Variants in UGT2B17 observed in about 807,000 individuals in gnomAD.
The protein encoded by UGT2B17 is UDP-glucuronosyltransferase 2B17.
A neutral mutation model predicts 48.2 loss-of-function variants in UGT2B17; 21 were observed. The observed-to-expected ratio is 0.44, with a 90% CI of 0.31 to 0.63. UGT2B17 has a LOEUF of 0.63. Among genes scored for constraint, UGT2B17 ranks in the 20% least tolerant of loss-of-function variants. The probability of loss-of-function intolerance (pLI) is 0.08; values close to 1 mark genes in which losing one functional copy is unlikely to be tolerated. For synonymous variants in UGT2B17, 146 were observed against 238.4 expected, an observed-to-expected ratio of 0.61 and a Z score of 3.57; for missense variants, 402 against 696.1, an observed-to-expected ratio of 0.58 and a Z score of 4.75.
chr4:68,544,802 C>G (rs1730760766), intron 6 of UGT2B17, among the ~76,000 whole-genome samples: 1 of 125,578 alleles, frequency 8.0e-6, no homozygotes, highest in Non-Finnish European at 1.7e-5. Context: ...ATCCTAGTCT[C>G]TGATAAAACA....
rs11725019 is a variant in UGT2B17 at position 68,546,677 on chromosome 4, T to G, written c.1313+4000A>C. 1.6e-5 allele frequency among the ~76,000 whole-genome samples: 2 copies of G among 123,340 alleles called. 1 individual carries two copies. Among genetic ancestry groups the G allele is most frequent in the Non-Finnish European group, 3.4e-5 (2 of 58,566 alleles). The allele number at this position is 123,340 out of a possible 152,430, so 80.9% of individuals were successfully genotyped here. A position where few individuals can be genotyped will look rare whatever the true frequency, so the allele number is the denominator to read the frequency against. On this transcript the variant is annotated intron_variant, in intron 6 of 6. Coordinates refer to ENST00000317746, the MANE Select transcript of UGT2B17 (RefSeq NM_001077.4). ...GACATGATTGTATATCTAGAAAACC[T>G]GATCGTCTGAGCCCCAAATCTCCTT...
Position 68,554,696 on chromosome 4 carries a change from T to G in UGT2B17, c.1006-2785A>C, listed in dbSNP as rs1187041575. On this transcript the variant is annotated intron_variant, in intron 4 of 6. Transcript: ENST00000317746. Reference sequence around the variant, plus strand: ...TTTATTTTCCTTCTAGCACACCAATTTTTTTCTCTGTGTACATTATGATGT... The same window carrying G: ...TTTATTTTCCTTCTAGCACACCAATGTTTTTCTCTGTGTACATTATGATGT... Among the ~76,000 whole-genome samples, 3 of 125,998 alleles carry G rather than the reference T, an allele frequency of 2.4e-5. 1 individual carries two copies. The highest frequency in any genetic ancestry group is 3.4e-5 in the Non-Finnish European group (2 of 59,496). The allele number at this position is 125,998 out of a possible 152,430, so 82.7% of individuals were successfully genotyped here.
In UGT2B17 at chr4:68,566,275, G is replaced by A. The variant is rs1451795731; in HGVS notation, c.725-555C>T. Among the ~76,000 whole-genome samples the A allele has an allele frequency of 1.6e-5, 2 of 122,024 alleles. 1 individual carries two copies. The allele number at this position is 122,024 out of a possible 152,430, so 80.1% of individuals were successfully genotyped here. A position where few individuals can be genotyped will look rare whatever the true frequency, so the allele number is the denominator to read the frequency against. On this transcript the variant is annotated intron_variant, in intron 2 of 6. Transcript: ENST00000317746. ...TTGCTCATATGTATATATAAGGAAG[G>A]CAAAGTGTTCAGAGAGCTGTAAGAA...
At chr4:68,548,453 A>C in intron 6 of UGT2B17, among the ~76,000 whole-genome samples, 1 of 124,954 alleles carries the variant, frequency 8.0e-6, no homozygotes, top group Admixed American at 8.3e-5. Flanking sequence ...GAGGGATAGC[A>C]TTAGGAGATA....
rs1295585653 is a variant in UGT2B17, at chr4:68,566,053, TATTA to T, written c.725-337_725-334del. Among the ~76,000 whole-genome samples, 72 of 119,094 alleles carry T rather than the reference TATTA, an allele frequency of 6.0e-4. 16 individuals are homozygous for T. Among genetic ancestry groups the T allele is most frequent in the Non-Finnish European group, 1.1e-3 (66 of 57,858 alleles). The allele number at this position is 119,094 out of a possible 152,430, so 78.1% of individuals were successfully genotyped here. ...TTAATATTTAATATTAATAAAATTT[TATTA>T]ATTTTATTTTATTAATAAAACATTA... On this transcript the variant is annotated intron_variant, in intron 2 of 6. Transcript: ENST00000317746.
At chr4:68,568,684 TA>T (rs1731251099) in intron 1 of UGT2B17, among the ~76,000 whole-genome samples, 136 bp from the exon 2 acceptor site, 1 of 127,060 alleles carries the variant, frequency 7.9e-6, no homozygotes, top group Non-Finnish European at 1.7e-5. Context: ...CTAGAATACG[TA>T]AGTAACCTGT....
chr4:68,556,599 T>G lies in UGT2B17; in HGVS notation c.1005+3938A>C, dbSNP rs756983349. On this transcript the variant is annotated intron_variant, in intron 4 of 6. Coordinates refer to ENST00000317746, the MANE Select transcript of UGT2B17 (RefSeq NM_001077.4). ...TGCAAGACCAACATATGGGCCCCTG[T>G]GTCAGATTAACAAGGTTTTCTTGAA... is the stretch of plus-strand genomic sequence containing the variant. 4.0e-5 allele frequency among the ~76,000 whole-genome samples: 5 copies of G among 126,216 alleles called. 2 individuals are homozygous for G. Among genetic ancestry groups the G allele is most frequent in the African/African-American group, 5.4e-5 (2 of 37,090 alleles). The allele number at this position is 126,216 out of a possible 152,430, so 82.8% of individuals were successfully genotyped here.
Position 68,572,248 on chromosome 4 carries a change from A to G in UGT2B17, c.-64-3700T>C, listed in dbSNP as rs939001002. On this transcript the variant is annotated intron_variant, in intron 1 of 6. Coordinates refer to ENST00000317746, the MANE Select transcript of UGT2B17 (RefSeq NM_001077.4). ...CTATTAATAGCGGCACAAGTGTCAA[A>G]TTTTAAGGTTACATTTTGAGGAGCT... Among the ~76,000 whole-genome samples, 13 of 126,148 alleles carry G rather than the reference A, an allele frequency of 1.0e-4. 5 individuals carry two copies. The highest frequency in any genetic ancestry group is 2.2e-4 in the Non-Finnish European group (13 of 59,686). 82.8% of individuals were successfully genotyped at this position (126,148 alleles called of 152,430 possible). A position where few individuals can be genotyped will look rare whatever the true frequency, so the allele number is the denominator to read the frequency against.
Position 68,551,745 on chromosome 4 carries a change from T to A in UGT2B17, c.1093+79A>T. On this transcript the variant is annotated intron_variant, in intron 5 of 6. Transcript: ENST00000317746. ...GTTTTCCAATAATAAATGTTAAATA[T>A]GTTTGTTTTATGTTGAAATATTATC... The A allele has an allele frequency of 2.1e-6, 2 of 952,888 alleles. 1 individual carries two copies. The highest frequency in any genetic ancestry group is 2.8e-6 in the Non-Finnish European group (2 of 712,816). The allele number at this position is 952,888 out of a possible 1,614,324, so 59.0% of individuals were successfully genotyped here. A position where few individuals can be genotyped will look rare whatever the true frequency, so the allele number is the denominator to read the frequency against.
intron 1 of UGT2B17, among the ~76,000 whole-genome samples, chr4:68,570,115 G>C (rs1411892523): frequency 3.2e-5 from 4 of 126,732 alleles, no homozygotes; most frequent in African/African-American, 1.1e-4. Flanking sequence ...CAGACACCAA[G>C]TTGTAGAAGG....
intron 1 of UGT2B17, among the ~76,000 whole-genome samples, chr4:68,568,852 C>CACATA (rs1417471822): frequency 1.5e-5 from 2 of 134,158 alleles, no homozygotes; most frequent in African/African-American, 5.2e-5. Context: ...ACTTTGTTGA[C>CACATA]ACATAATTCA....
chr4:68,555,090 T>G (rs748264718), intron 4 of UGT2B17, among the ~76,000 whole-genome samples: 1 of 126,586 alleles, frequency 7.9e-6, no homozygotes, highest in African/African-American at 2.7e-5. Context: ...TAAAATCTTT[T>G]ATAAATAAGA....
chr4:68,569,430 A>G lies in UGT2B17; in HGVS notation c.-64-882T>C, dbSNP rs1013403050. The stretch of plus-strand genomic sequence containing the variant: ...ATTAGAGAACCAAGCCAAGCAAAAT[A>G]TAGGGGTAGAGGAAGTAGCAGAAAG... On this transcript the variant is annotated intron_variant, in intron 1 of 6. Transcript: ENST00000317746. Among the ~76,000 whole-genome samples the G allele has an allele frequency of 6.4e-5, 8 of 125,396 alleles. 1 individual carries two copies. Among genetic ancestry groups the G allele is most frequent in the Admixed American group, 2.5e-4 (3 of 12,188 alleles). The allele number at this position is 125,396 out of a possible 152,430, so 82.3% of individuals were successfully genotyped here. A position where few individuals can be genotyped will look rare whatever the true frequency, so the allele number is the denominator to read the frequency against.
chr4:68,558,002 C>G lies in UGT2B17; in HGVS notation c.1005+2535G>C, dbSNP rs958327041. Among the ~76,000 whole-genome samples, 115 of 124,662 alleles carry G rather than the reference C, an allele frequency of 9.2e-4. 3 individuals carry two copies. Among genetic ancestry groups the G allele is most frequent in the African/African-American group, 2.9e-3 (104 of 36,368 alleles). The allele number at this position is 124,662 out of a possible 152,430, so 81.8% of individuals were successfully genotyped here. A position where few individuals can be genotyped will look rare whatever the true frequency, so the allele number is the denominator to read the frequency against. On this transcript the variant is annotated intron_variant, in intron 4 of 6. Transcript: ENST00000317746. ...CCCAACTCATAGGTATTTGATGGTACAAATCTATGGCTTGCCTCAGCTTTA... is the reference window on the plus strand; with the variant it reads ...CCCAACTCATAGGTATTTGATGGTAGAAATCTATGGCTTGCCTCAGCTTTA...
At chr4:68,558,859 A>G (rs1731052367) in intron 4 of UGT2B17, among the ~76,000 whole-genome samples, 1 of 126,042 alleles carries the variant, frequency 7.9e-6, no homozygotes, top group Non-Finnish European at 1.7e-5. Flanking sequence ...AGATAAATGC[A>G]TATCTGATTG....
At chr4:68,552,547 T>G (rs1180210536) in intron 4 of UGT2B17, among the ~76,000 whole-genome samples, 1 of 125,998 alleles carries the variant, frequency 7.9e-6, no homozygotes, top group Non-Finnish European at 1.7e-5. Context: ...TGAGGCTGTG[T>G]CATGGGTGCA....
chr4:68,548,103 C>T (rs1730851888), intron 6 of UGT2B17, among the ~76,000 whole-genome samples: 1 of 126,890 alleles, frequency 7.9e-6, no homozygotes, highest in African/African-American at 2.7e-5. Context: ...ATAAATCATG[C>T]TTCTATAAAG....
rs1731003182 is a variant in UGT2B17 at position 68,556,483 on chromosome 4, G to A, written c.1005+4054C>T. Among the ~76,000 whole-genome samples the A allele has an allele frequency of 1.6e-5, 2 of 124,898 alleles. 1 individual carries two copies. Among genetic ancestry groups the A allele is most frequent in the Non-Finnish European group, 3.4e-5 (2 of 58,964 alleles). 81.9% of individuals were successfully genotyped at this position (124,898 alleles called of 152,430 possible). A position where few individuals can be genotyped will look rare whatever the true frequency, so the allele number is the denominator to read the frequency against. ...AGGTCCAGGGACTATCACAGAAGAGGTGGGTGTGTGAGATTGAAAGAACTG... is the reference window on the plus strand; with the variant it reads ...AGGTCCAGGGACTATCACAGAAGAGATGGGTGTGTGAGATTGAAAGAACTG... On this transcript the variant is annotated intron_variant, in intron 4 of 6. Transcript: ENST00000317746.
At chr4:68,538,300 A>T (rs552602657) in intron 6 of UGT2B17, among the ~76,000 whole-genome samples, 1 of 124,782 alleles carries the variant, frequency 8.0e-6, no homozygotes, top group Non-Finnish European at 1.7e-5. Context: ...CAGTCACATG[A>T]TCATGGCTCA....
Sources: gnomAD v4.1 joint callset for allele counts (sites outside exome capture counted in the v4.1 genomes callset) on GRCh38, gnomAD v4.1.1 for gene constraint, MANE v1.5 for transcripts, NCBI Gene and HGNC (gene_info 2026-07-23, HGNC 2026-07-21) for gene names.